Variants in PACS2 observed in about 807,000 individuals in gnomAD.
PACS2 encodes the protein phosphofurin acidic cluster sorting protein 2.
A neutral mutation model predicts 113.0 loss-of-function variants in PACS2; 36 were observed. The observed-to-expected ratio is 0.32, with a 90% confidence interval of 0.24 to 0.42. PACS2 has a LOEUF of 0.42. PACS2 is among the 10% of genes least tolerant of loss of function. PACS2 has a pLI of 1.00. For synonymous variants in PACS2, 589 were observed against 536.1 expected (o/e 1.10, Z -1.36); for missense variants, 1,015 against 1,239.5 (o/e 0.82, Z 2.72).
In PACS2 at chr14:105,393,209, TTTC is replaced by T. The variant is rs782721420; in HGVS notation, c.2483-11_2483-9del. ...GCAGCAAGATGACAGCAGGGCCTCTTTTCTCCTCCCAGTGATGTTTCTGCCCAA... is the reference window on the plus strand; with the variant it reads ...GCAGCAAGATGACAGCAGGGCCTCTTTCCTCCCAGTGATGTTTCTGCCCAA... On this transcript the variant is annotated splice_polypyrimidine_tract_variant and intron_variant, in intron 23 of 24. Coordinates refer to ENST00000447393, the MANE Select transcript of PACS2 (RefSeq NM_001100913.3). 6.2e-7 allele frequency: 1 copy of T among 1,603,950 alleles called. No homozygotes were observed. The highest frequency in any genetic ancestry group is 1.7e-5 in the Admixed American group (1 of 59,998).
rs993922637 is a variant in PACS2, at chr14:105,348,252, C to T, written c.120-241C>T. ...TGGGAGGGAGGCTCACCCTCAGGGG[C>T]CTTCAGGAGATGGGACCTCTGGCCC... is the stretch of plus-strand genomic sequence containing the variant. On this transcript the variant is annotated intron_variant, in intron 1 of 24. Coordinates refer to ENST00000447393, the MANE Select transcript of PACS2 (RefSeq NM_001100913.3). This position sits in a 1 kb window ranked among gnomAD's most constrained non-coding sequence, Gnocchi z 6.4. Among the ~76,000 whole-genome samples, 1 of 152,180 alleles carries T rather than the reference C, an allele frequency of 6.6e-6. No individual in the cohort carries two copies. Among genetic ancestry groups the T allele is most frequent in the African/African-American group, 2.4e-5 (1 of 41,446 alleles).
chr14:105,342,761 C>A (rs1248423596), intron 1 of PACS2, among the ~76,000 whole-genome samples: 1 of 151,498 alleles, frequency 6.6e-6, no homozygotes, highest in Non-Finnish European at 1.5e-5. Context: ...TGGTGAAACC[C>A]CATCTCTAGT....
rs2060557715 is a variant in PACS2 at position 105,358,824 on chromosome 14, G to A, written c.423+3647G>A. Among the ~76,000 whole-genome samples, 2 of 152,316 alleles carry A rather than the reference G, an allele frequency of 1.3e-5. No homozygotes were observed. Among genetic ancestry groups the A allele is most frequent in the African/African-American group, 2.4e-5 (1 of 41,564 alleles). On this transcript the variant is annotated intron_variant, in intron 4 of 24. Coordinates refer to ENST00000447393, the MANE Select transcript of PACS2 (RefSeq NM_001100913.3). The surrounding 1 kb of genome is among the most constrained non-coding windows in gnomAD (Gnocchi z 4.9). ...GAAGACCTCAGGGTAAGGACAGCGC[G>A]GGAGCGTCACCCTGACCGTTTGCAT...
upstream of PACS2, among the ~76,000 whole-genome samples, chr14:105,311,294 C>G (rs1317316012): frequency 2.0e-5 from 3 of 151,942 alleles, no homozygotes; most frequent in African/African-American, 7.3e-5. Context: ...GGCTCTGTCC[C>G]CCAGACTGGA....
chr14:105,369,742 C>A, intron 7 of PACS2, 99 bp from the exon 8 acceptor site: 1 of 1,019,262 alleles, frequency 9.8e-7, no homozygotes, highest in Non-Finnish European at 1.5e-6. Context: ...GCTGCTCTCC[C>A]ACGGCGGGCC....
In PACS2 at chr14:105,348,251, G is replaced by C. The variant is rs1222001727; in HGVS notation, c.120-242G>C. 6.6e-6 allele frequency among the ~76,000 whole-genome samples: 1 copy of C among 152,196 alleles called. No individual in the cohort carries two copies. The highest frequency in any genetic ancestry group is 2.4e-5 in the African/African-American group (1 of 41,444). On this transcript the variant is annotated intron_variant, in intron 1 of 24. Transcript: ENST00000447393. This position sits in a 1 kb window ranked among gnomAD's most constrained non-coding sequence, Gnocchi z 6.4. ...ATGGGAGGGAGGCTCACCCTCAGGGGCCTTCAGGAGATGGGACCTCTGGCC... is the reference window on the plus strand; with the variant it reads ...ATGGGAGGGAGGCTCACCCTCAGGGCCCTTCAGGAGATGGGACCTCTGGCC...
At chr14:105,368,208 T>C (rs2141148713) in intron 6 of PACS2, 61 bp downstream of exon 6, 1 of 1,230,372 alleles carries the variant, frequency 8.1e-7, no homozygotes, top group Admixed American at 1.7e-5. Context: ...CTGGGGTCTG[T>C]GGGGTCCTCA....
chr14:105,335,920 C>T (rs974402548), intron 1 of PACS2, among the ~76,000 whole-genome samples: 2 of 152,206 alleles, frequency 1.3e-5, no homozygotes, highest in African/African-American at 4.8e-5. Flanking sequence ...ATGAGGACGG[C>T]GGTGCCCTGG....
intron 17 of PACS2, among the ~76,000 whole-genome samples, 182 bp from the exon 18 acceptor site, chr14:105,384,697 C>T (rs1327510540): frequency 6.6e-6 from 1 of 152,198 alleles, no homozygotes; most frequent in African/African-American, 2.4e-5. Context: ...TCAGGTCTTC[C>T]CACGCTTGCC....
chr14:105,385,234 T>C (rs1180913007), intron 18 of PACS2, among the ~76,000 whole-genome samples: 1 of 152,198 alleles, frequency 6.6e-6, no homozygotes, highest in African/African-American at 2.4e-5. Context: ...CCCCGCGTGA[T>C]AAGAAGTTGA....
At position 105,317,385 on chromosome 14, in the gene PACS2, G is replaced by C. The variant is rs1392163245; in HGVS notation, c.119+2348G>C. On this transcript the variant is annotated intron_variant, in intron 1 of 24. Transcript: ENST00000447393. The surrounding 1 kb of genome is among the most constrained non-coding windows in gnomAD (Gnocchi z 4.2). The stretch of plus-strand genomic sequence containing the variant: ...CAGGATTTATGGTGGGGGTGTGCAC[G>C]CACTCAGCGTTACTGCTGGGCAGTT... Among the ~76,000 whole-genome samples the C allele has an allele frequency of 6.6e-6, 1 of 152,142 alleles. No homozygotes were observed. The highest frequency in any genetic ancestry group is 1.9e-4 in the East Asian group (1 of 5,180).
intron 1 of PACS2, among the ~76,000 whole-genome samples, chr14:105,302,657 C>G (rs1007453595): frequency 6.6e-6 from 1 of 152,122 alleles, no homozygotes; most frequent in African/African-American, 2.4e-5. Context: ...ATAATCAAGC[C>G]TCACTGCAGA....
Position 105,368,564 on chromosome 14 carries a change from T to C in PACS2, c.741+25T>C, listed in dbSNP as rs1264339695. 9.5e-6 allele frequency: 15 copies of C among 1,587,280 alleles called. No individual in the cohort carries two copies. The East Asian group carries it at 3.4e-4, about 35-fold the overall frequency. ...GGTTGGTGGAGACTGCTTCTATGAATGCTGGGGAAGGCGAGGGTCGGGGAG... is the reference window on the plus strand; with the variant it reads ...GGTTGGTGGAGACTGCTTCTATGAACGCTGGGGAAGGCGAGGGTCGGGGAG... On this transcript the variant is annotated intron_variant, in intron 7 of 24. Coordinates refer to ENST00000447393, the MANE Select transcript of PACS2 (RefSeq NM_001100913.3).
intron 1 of PACS2, among the ~76,000 whole-genome samples, chr14:105,332,223 C>T (rs1566910214): frequency 6.6e-6 from 1 of 152,136 alleles, no homozygotes; most frequent in Non-Finnish European, 1.5e-5. Context: ...CGTGGGGCTG[C>T]CTGTGCCTCT....
rs2060449284 is a variant in PACS2 at position 105,356,410 on chromosome 14, C to T, written c.423+1233C>T. ...AGCTTTGCAGTCTTCCCGATTCCTT[C>T]GGCAAACCACGGACAGCACGGGTGG... is the stretch of plus-strand genomic sequence containing the variant. On this transcript the variant is annotated intron_variant, in intron 4 of 24. Coordinates refer to ENST00000447393, the MANE Select transcript of PACS2 (RefSeq NM_001100913.3). This position sits in a 1 kb window ranked among gnomAD's most constrained non-coding sequence, Gnocchi z 4.0. Among the ~76,000 whole-genome samples, 1 of 152,338 alleles carries T rather than the reference C, an allele frequency of 6.6e-6. No homozygotes were observed. Among genetic ancestry groups the T allele is most frequent in the African/African-American group, 2.4e-5 (1 of 41,584 alleles).
At chr14:105,390,070 A>G in intron 20 of PACS2, 67 bp downstream of exon 20, 1 of 1,353,520 alleles carries the variant, frequency 7.4e-7, no homozygotes, top group Middle Eastern at 1.8e-4. Flanking sequence ...TACAGTCAGA[A>G]CGTTTGGGGA....
intron 23 of PACS2, 43 bp downstream of exon 23, chr14:105,392,888 G>A (rs587643850): frequency 2.9e-5 from 43 of 1,468,328 alleles, no homozygotes; most frequent in South Asian, 9.1e-5. Context: ...GCAGAAGGGC[G>A]GCTCTGTGGG....
chr14:105,362,663 C>A (rs2060772272), intron 4 of PACS2, among the ~76,000 whole-genome samples: 1 of 151,678 alleles, frequency 6.6e-6, no homozygotes. Flanking sequence ...CCAGCCTGAC[C>A]AACATGTTGA....
At position 105,340,989 on chromosome 14, in the gene PACS2, T is replaced by TG. The variant is rs1354301348; in HGVS notation, c.120-7498dup. 6.6e-6 allele frequency among the ~76,000 whole-genome samples: 1 copy of TG among 151,900 alleles called. No homozygotes were observed. Among genetic ancestry groups the TG allele is most frequent in the Non-Finnish European group, 1.5e-5 (1 of 67,942 alleles). The stretch of plus-strand genomic sequence containing the variant: ...CATGGGGAGGCTCGCTACCAAGGGG[T>TG]GGGGGGCTGGAGAACGGAGCTTGGA... On this transcript the variant is annotated intron_variant, in intron 1 of 24. Transcript: ENST00000447393. This position sits in a 1 kb window ranked among gnomAD's most constrained non-coding sequence, Gnocchi z 4.2.
Sources: gnomAD v4.1 joint callset for allele counts (sites outside exome capture counted in the v4.1 genomes callset) on GRCh38, gnomAD v4.1.1 for gene constraint, Gnocchi (gnomAD v3.1) non-coding constraint, MANE v1.5 for transcripts, NCBI Gene and HGNC (gene_info 2026-07-23, HGNC 2026-07-21) for gene names.